PDS5B: variants seen among roughly 807,000 people sequenced by gnomAD.
PDS5B encodes PDS5 cohesin associated factor B, also known as sister chromatid cohesion protein PDS5 homolog B.
A neutral mutation model predicts 184.1 loss-of-function variants in PDS5B; 51 were observed. That is an observed-to-expected ratio of 0.28 (90% confidence interval 0.22 to 0.35). The LOEUF (loss-of-function observed/expected upper bound fraction) is 0.35, where lower values mean the gene tolerates loss of function less well. PDS5B is among the 10% of genes least tolerant of loss of function. PDS5B has a pLI of 1.00. For synonymous variants in PDS5B, 566 were observed against 569.2 expected (o/e 0.99, Z 0.08); for missense variants, 1,180 against 1,723.3 (o/e 0.68, Z 5.58).
At chr13:32,679,577 A>C (rs546459851) in intron 10 of PDS5B, among the ~76,000 whole-genome samples, 3 of 152,132 alleles carry the variant, frequency 2.0e-5, no homozygotes, top group African/African-American at 7.2e-5. Context: ...CAGAGGTTGC[A>C]GTGAGCTGAG....
intron 6 of PDS5B, among the ~76,000 whole-genome samples, chr13:32,665,736 GT>G (rs1950777656): frequency 6.6e-6 from 1 of 151,956 alleles, no homozygotes; most frequent in Admixed American, 6.6e-5. Flanking sequence ...GCTATTTGTG[GT>G]AACCAATATA....
At chr13:32,747,089 C>G (rs1256062980) in intron 24 of PDS5B, among the ~76,000 whole-genome samples, 2 of 152,160 alleles carry the variant, frequency 1.3e-5, no homozygotes, top group African/African-American at 4.8e-5. Context: ...GTGAAACTTT[C>G]AGATTCCTAT....
chr13:32,729,208 A>C (rs144745725), intron 19 of PDS5B, among the ~76,000 whole-genome samples: 7 of 151,698 alleles, frequency 4.6e-5, no homozygotes, highest in African/African-American at 1.7e-4. Flanking sequence ...TTGGTTTTCT[A>C]TTCCTGTGTT....
chr13:32,631,036 A>T (rs1593291100), intron 1 of PDS5B, among the ~76,000 whole-genome samples: 1 of 148,750 alleles, frequency 6.7e-6, no homozygotes, highest in South Asian at 2.1e-4. Context: ...CAAGTGATCC[A>T]CCTGCCTTGG....
At chr13:32,721,720 G>C (rs1393134265) in intron 19 of PDS5B, among the ~76,000 whole-genome samples, 3 of 151,410 alleles carry the variant, frequency 2.0e-5, no homozygotes, top group African/African-American at 7.3e-5. Flanking sequence ...TCTTAGACAG[G>C]ATGACGGCCG....
At chr13:32,648,928 C>T (rs1474129446) in intron 2 of PDS5B, 48 bp downstream of exon 2, 1 of 874,538 alleles carries the variant, frequency 1.1e-6, no homozygotes, top group East Asian at 2.4e-5. Flanking sequence ...GCAGAGGTCC[C>T]CTGTGGAAAT....
At chr13:32,689,016 A>AT (rs2140830918) in intron 13 of PDS5B, 1 of 163,594 alleles carries the variant, frequency 6.1e-6, no homozygotes, top group African/African-American at 2.4e-5. Flanking sequence ...ATAGTTTGAC[A>AT]TAAGAGTAAG....
rs1218207904 is a variant in PDS5B at position 32,775,119 on chromosome 13, G to A, written c.*67G>A. 4 of 630,262 alleles carry A rather than the reference G, an allele frequency of 6.3e-6. No homozygotes were observed. In the African/African-American group the frequency reaches 1.5e-4, roughly 24 times the overall value. 39.0% of individuals were successfully genotyped at this position (630,262 alleles called of 1,614,324 possible). ...AATCTTTTTTTTTTTTTTTGGTCAA[G>A]CTTGAGGCTGAATAAAGCCTTTGAT... On this transcript the variant is annotated 3_prime_UTR_variant, in exon 35 of 35. Transcript: ENST00000315596.
chr13:32,590,656 T>C (rs1257857223), intron 1 of PDS5B, among the ~76,000 whole-genome samples: 1 of 152,218 alleles, frequency 6.6e-6, no homozygotes, highest in African/African-American at 2.4e-5. Context: ...TGTGTTTCCT[T>C]AGGTAAGATA....
At chr13:32,731,957 G>T in intron 19 of PDS5B, 144 bp from the exon 20 acceptor site, 1 of 552,060 alleles carries the variant, frequency 1.8e-6, no homozygotes, top group African/African-American at 1.9e-5. Flanking sequence ...AAAATCATAG[G>T]CCTTTGGAAG....
intron 33 of PDS5B, among the ~76,000 whole-genome samples, chr13:32,771,482 T>C (rs17077818): frequency 0.016 from 2,385 of 151,158 alleles, 37 homozygotes; most frequent in South Asian, 0.064. Flanking sequence ...AGTCAGAAAT[T>C]TAACACTTTT....
intron 1 of PDS5B, among the ~76,000 whole-genome samples, chr13:32,617,323 A>G (rs1342965122): frequency 6.6e-6 from 1 of 152,252 alleles, no homozygotes; most frequent in East Asian, 1.9e-4. Flanking sequence ...TAGTTACATT[A>G]TCAGAGAGAG....
chr13:32,682,666 A>G (rs1490277727), intron 10 of PDS5B, among the ~76,000 whole-genome samples: 2 of 152,190 alleles, frequency 1.3e-5, no homozygotes, highest in Non-Finnish European at 2.9e-5. Context: ...CATAGTGTAG[A>G]TACATGTTTA....
chr13:32,609,087 T>C (rs1401030472), intron 1 of PDS5B, among the ~76,000 whole-genome samples: 1 of 152,204 alleles, frequency 6.6e-6, no homozygotes, highest in Non-Finnish European at 1.5e-5. Flanking sequence ...CACACCTCTT[T>C]TAATCATATT....
intron 1 of PDS5B, among the ~76,000 whole-genome samples, chr13:32,619,686 C>G (rs569029001): frequency 2.6e-5 from 4 of 152,226 alleles, no homozygotes; most frequent in South Asian, 2.1e-4. Flanking sequence ...TTTTCCAGCT[C>G]TATTATAATC....
At chr13:32,594,726 C>T (rs1593230564) in intron 1 of PDS5B, among the ~76,000 whole-genome samples, 2 of 152,146 alleles carry the variant, frequency 1.3e-5, no homozygotes, top group East Asian at 3.8e-4. Context: ...CATGCTGCTG[C>T]CAGATGATTG....
intron 1 of PDS5B, among the ~76,000 whole-genome samples, chr13:32,623,882 G>A (rs1047164511): frequency 9.2e-5 from 14 of 152,050 alleles, no homozygotes; most frequent in Admixed American, 2.6e-4. Flanking sequence ...CGTGATCTTG[G>A]CTCACTGCAA....
chr13:32,775,274 G>A lies in PDS5B; in HGVS notation c.*222G>A, dbSNP rs1303436906. The A allele has an allele frequency of 2.0e-5, 11 of 554,778 alleles. No individual in the cohort carries two copies. Among genetic ancestry groups the A allele is most frequent in the Non-Finnish European group, 3.5e-5 (11 of 312,730 alleles). 34.4% of individuals were successfully genotyped at this position (554,778 alleles called of 1,614,324 possible). A position where few individuals can be genotyped will look rare whatever the true frequency, so the allele number is the denominator to read the frequency against. Reference sequence around the variant, plus strand: ...GGAGTCTTGTGAAAGTGTAATGTGCGATGGCTATGTAGACATAAAGAAGAA... The same window carrying A: ...GGAGTCTTGTGAAAGTGTAATGTGCAATGGCTATGTAGACATAAAGAAGAA... On this transcript the variant is annotated 3_prime_UTR_variant, in exon 35 of 35. Coordinates refer to ENST00000315596, the MANE Select transcript of PDS5B (RefSeq NM_015032.4).
intron 28 of PDS5B, among the ~76,000 whole-genome samples, chr13:32,758,885 T>G (rs1235828356): frequency 6.6e-6 from 1 of 152,150 alleles, no homozygotes; most frequent in Non-Finnish European, 1.5e-5. Flanking sequence ...GGTAGAAATG[T>G]GATCAAAGCA....
Sources: gnomAD v4.1 joint callset for allele counts (sites outside exome capture counted in the v4.1 genomes callset) on GRCh38, gnomAD v4.1.1 for gene constraint, MANE v1.5 for transcripts, NCBI Gene and HGNC (gene_info 2026-07-23, HGNC 2026-07-21) for gene names.